The following ABCA13 variants were observed in gnomAD, a reference collection of about 807,000 sequenced individuals.
ABCA13 encodes ATP binding cassette subfamily A member 13.
Under a neutral mutation model 478.7 loss-of-function variants are expected in ABCA13, and 476 were observed. That is an observed-to-expected ratio of 0.99 (90% confidence interval 0.92 to 1.07). The LOEUF is 1.07. Ranked by LOEUF, ABCA13 falls within the 50% of genes least tolerant of loss-of-function variation. The pLI is 0.00. For missense variants in ABCA13, 6,060 were observed against 5,910.6 expected (o/e 1.03, Z -0.83); for synonymous variants, 2,252 against 2,158.9 (o/e 1.04, Z -1.20).
chr7:48,394,189 A>G (rs1387087146), intron 38 of ABCA13, among the ~76,000 whole-genome samples: 3 of 152,202 alleles, frequency 2.0e-5, no homozygotes, highest in Non-Finnish European at 2.9e-5. Flanking sequence ...TGTGTAATTT[A>G]CATTCTTGTG....
intron 23 of ABCA13, among the ~76,000 whole-genome samples, chr7:48,301,153 T>TCCC (rs1800099592): frequency 1.3e-5 from 2 of 151,904 alleles, no homozygotes; most frequent in Non-Finnish European, 2.9e-5. Context: ...GCGCCACAAA[T>TCCC]CTTAAGGAGG....
chr7:48,290,940 G>GAAAAAAA (rs57470116), intron 20 of ABCA13, among the ~76,000 whole-genome samples: 1 of 48,760 alleles, frequency 2.1e-5, no homozygotes, highest in Non-Finnish European at 4.8e-5. Flanking sequence ...CACACTCAGG[G>GAAAAAAA]AAAAAAAAAA....
At position 48,516,753 on chromosome 7, in the gene ABCA13, A is replaced by G; in HGVS notation, c.13669A>G (p.Met4557Val). The change falls in exon 52 of 62, where the codon ATG (methionine) becomes GTG (valine). Residue 4557 changes from methionine (M) to valine (V), a missense_variant. Met to Val is a conservative substitution (Grantham distance 21). This residue lies in a region of ABCA13 where 1,627 missense variants were observed against 1,571.0 expected (regional missense o/e 1.04). Transcript: ENST00000435803. ...TGCAACTCTTCCATGGATGTACCTG[A>G]TGTCCAGAATCTTTTCCAGTTCGGA... ...GYATLPWMYLMSRIFSSSDVA... is the reference protein window; with the variant it reads ...GYATLPWMYLVSRIFSSSDVA... 2 of 1,613,742 alleles carry G rather than the reference A, an allele frequency of 1.2e-6. No individual in the cohort carries two copies. Among genetic ancestry groups the G allele is most frequent in the South Asian group, 1.1e-5 (1 of 91,058 alleles).
At chr7:48,464,041 C>T (rs1349371585) in intron 43 of ABCA13, among the ~76,000 whole-genome samples, 1 of 152,096 alleles carries the variant, frequency 6.6e-6, no homozygotes, top group Non-Finnish European at 1.5e-5. Context: ...CTCTGGTGCA[C>T]AATAAATTTT....
At chr7:48,356,897 CA>C (rs1810010651) in intron 31 of ABCA13, among the ~76,000 whole-genome samples, 1 of 151,952 alleles carries the variant, frequency 6.6e-6, no homozygotes, top group Admixed American at 6.5e-5. Context: ...AACAGGTTTT[CA>C]GAAAACAAAA....
At chr7:48,498,159 T>TG (rs2130784835) in intron 48 of ABCA13, among the ~76,000 whole-genome samples, 1 of 152,190 alleles carries the variant, frequency 6.6e-6, no homozygotes, top group African/African-American at 2.4e-5. Flanking sequence ...CTCTGTCAGG[T>TG]GGGGAGTGGA....
chr7:48,218,647 T>A (rs969628743), intron 3 of ABCA13, among the ~76,000 whole-genome samples: 1 of 152,230 alleles, frequency 6.6e-6, no homozygotes, highest in African/African-American at 2.4e-5. Flanking sequence ...CAGACCTAGC[T>A]TTGCTGCAAA....
chr7:48,327,997 G>A (rs1249719017), intron 27 of ABCA13, among the ~76,000 whole-genome samples: 1 of 152,206 alleles, frequency 6.6e-6, no homozygotes, highest in East Asian at 1.9e-4. Flanking sequence ...AGAATATCAG[G>A]CAAAGTGAAG....
At chr7:48,408,662 C>T (rs1299593348) in intron 39 of ABCA13, among the ~76,000 whole-genome samples, 1 of 152,140 alleles carries the variant, frequency 6.6e-6, no homozygotes, top group Admixed American at 6.5e-5. Context: ...TTAATTGACA[C>T]ATGATAATTG....
At chr7:48,191,393 C>T (rs553605440) in intron 1 of ABCA13, among the ~76,000 whole-genome samples, 4 of 152,212 alleles carry the variant, frequency 2.6e-5, no homozygotes, top group Admixed American at 2.0e-4. Flanking sequence ...ATTTCAAAGA[C>T]GGTGATTTAT....
At chr7:48,471,343 G>A (rs1367673218) in intron 44 of ABCA13, among the ~76,000 whole-genome samples, 187 bp from the exon 45 acceptor site, 1 of 152,186 alleles carries the variant, frequency 6.6e-6, no homozygotes, top group East Asian at 1.9e-4. Flanking sequence ...TGCTGGCGTT[G>A]TAATAAAACA....
chr7:48,322,641 G>C (rs1803663393), intron 27 of ABCA13, among the ~76,000 whole-genome samples: 2 of 152,208 alleles, frequency 1.3e-5, no homozygotes, highest in African/African-American at 4.8e-5. Flanking sequence ...TCTTGCCTTT[G>C]TTCCTGGAGC....
At position 48,229,962 on chromosome 7, in the gene ABCA13, G is replaced by T. The variant is rs772898193; in HGVS notation, c.763+7G>T. On this transcript the variant is annotated splice_region_variant and intron_variant, in intron 7 of 61. Transcript: ENST00000435803. ...CATGGAGTAGCAGTCACCGGTATGGGTGCCTTGTAGCTATTGCTATATTTC... is the reference window on the plus strand; with the variant it reads ...CATGGAGTAGCAGTCACCGGTATGGTTGCCTTGTAGCTATTGCTATATTTC... 1 of 1,612,532 alleles carries T rather than the reference G, an allele frequency of 6.2e-7. No individual in the cohort carries two copies. The highest frequency in any genetic ancestry group is 1.1e-5 in the South Asian group (1 of 90,744).
chr7:48,431,643 A>C (rs1435316434), intron 42 of ABCA13, among the ~76,000 whole-genome samples: 1 of 152,140 alleles, frequency 6.6e-6, no homozygotes, highest in Admixed American at 6.5e-5. Flanking sequence ...CTCCCTTTAA[A>C]TCTGTTGACT....
chr7:48,237,530 A>G (rs998476354), intron 8 of ABCA13, among the ~76,000 whole-genome samples: 2 of 152,220 alleles, frequency 1.3e-5, no homozygotes, highest in African/African-American at 4.8e-5. Context: ...GGAGTCAGCC[A>G]TGCTAGACTT....
intron 54 of ABCA13, among the ~76,000 whole-genome samples, chr7:48,526,086 T>C (rs1832874681): frequency 6.6e-6 from 1 of 152,148 alleles, no homozygotes; most frequent in Non-Finnish European, 1.5e-5. Flanking sequence ...GTAGGACAGA[T>C]AACTTCTTTA....
chr7:48,563,725 A>C (rs1403716600), intron 55 of ABCA13, among the ~76,000 whole-genome samples: 1 of 151,654 alleles, frequency 6.6e-6, no homozygotes, highest in Non-Finnish European at 1.5e-5. Context: ...GACTCCTCAA[A>C]TCCCCCCACC....
chr7:48,246,302 C>T (rs900976368), intron 13 of ABCA13, among the ~76,000 whole-genome samples: 1 of 152,132 alleles, frequency 6.6e-6, no homozygotes, highest in African/African-American at 2.4e-5. Context: ...CTTCCTGGAT[C>T]CTTGATCTGC....
chr7:48,542,341 C>T (rs1833996787), intron 55 of ABCA13, among the ~76,000 whole-genome samples: 1 of 151,534 alleles, frequency 6.6e-6, no homozygotes, highest in Admixed American at 6.6e-5. Context: ...TAGAGTAATT[C>T]CTGTTAAAAT....
Sources: gnomAD v4.1 joint callset for allele counts (sites outside exome capture counted in the v4.1 genomes callset) on GRCh38, gnomAD v4.1.1 for gene constraint, gnomAD v4.1.1 regional missense constraint, MANE v1.5 for transcripts, NCBI Gene and HGNC (gene_info 2026-07-23, HGNC 2026-07-21) for gene names.